UST: variants seen among roughly 807,000 people sequenced by gnomAD.
UST encodes chondroitin sulfate 2-O-sulfotransferase.
Under a neutral mutation model 45.6 loss-of-function variants are expected in UST, and 21 were observed. The ratio of observed to expected loss-of-function variants is 0.46; its 90% CI spans 0.33 to 0.66. UST has a LOEUF of 0.66. Among genes scored for constraint, UST ranks in the 30% least tolerant of loss-of-function variants. The probability of loss-of-function intolerance (pLI) is 0.02; values close to 1 mark genes in which losing one functional copy is unlikely to be tolerated. For synonymous variants in UST, 215 were observed against 200.6 expected, an observed-to-expected ratio of 1.07 and a Z score of -0.61; for missense variants, 463 against 512.4, an observed-to-expected ratio of 0.90 and a Z score of 0.93.
At chr6:148,887,484 C>A (rs1169593781) in intron 2 of UST, among the ~76,000 whole-genome samples, 2 of 152,250 alleles carry the variant, frequency 1.3e-5, no homozygotes, top group East Asian at 3.8e-4. Flanking sequence ...GCTGCCCTGG[C>A]CTGGCCTGTG....
chr6:148,752,532 G>C lies in UST; in HGVS notation c.247+4855G>C, dbSNP rs930583556. ...GTTCTGTAAACAAATAGCATGAATG[G>C]TGAAAAGCAATCTGCCTTGTAAACT... On this transcript the variant is annotated intron_variant, in intron 1 of 7. Coordinates refer to ENST00000367463, the MANE Select transcript of UST (RefSeq NM_005715.3). 1.2e-4 allele frequency among the ~76,000 whole-genome samples: 19 copies of C among 152,326 alleles called. No individual in the cohort carries two copies. The East Asian group carries it at 3.7e-3, about 29-fold the overall frequency.
At chr6:148,824,513 G>C (rs1057335839) in intron 1 of UST, among the ~76,000 whole-genome samples, 1 of 152,038 alleles carries the variant, frequency 6.6e-6, no homozygotes, top group Non-Finnish European at 1.5e-5. Flanking sequence ...TGGGAGGGGT[G>C]GATACCATTC....
At chr6:148,923,817 A>C (rs1280909834) in intron 2 of UST, among the ~76,000 whole-genome samples, 1 of 152,182 alleles carries the variant, frequency 6.6e-6, no homozygotes, top group Non-Finnish European at 1.5e-5. Context: ...ATACAACTGT[A>C]CTTGGATTGT....
At chr6:149,056,889 G>T (rs1214493634) in intron 7 of UST, among the ~76,000 whole-genome samples, 1 of 152,164 alleles carries the variant, frequency 6.6e-6, no homozygotes, top group African/African-American at 2.4e-5. Context: ...TGGACAGAAG[G>T]TTAAATATCT....
At chr6:149,034,283 G>C (rs1219468891) in intron 7 of UST, among the ~76,000 whole-genome samples, 1 of 152,098 alleles carries the variant, frequency 6.6e-6, no homozygotes, top group Non-Finnish European at 1.5e-5. Context: ...AATTTCGTAT[G>C]TGCCAAAATT....
chr6:148,777,376 C>A lies in UST; in HGVS notation c.247+29699C>A, dbSNP rs150971415. 2.0e-5 allele frequency among the ~76,000 whole-genome samples: 3 copies of A among 152,258 alleles called. No homozygotes were observed. In the East Asian group the frequency reaches 5.8e-4, roughly 29 times the overall value. Reference sequence around the variant, plus strand: ...AATACCAAATCAAACAAAGGTGAAGCCAAACACACATAAAAGATTCGTTTT... The same window carrying A: ...AATACCAAATCAAACAAAGGTGAAGACAAACACACATAAAAGATTCGTTTT... On this transcript the variant is annotated intron_variant, in intron 1 of 7. Transcript: ENST00000367463.
At chr6:149,060,984 G>C (rs905702384) in intron 7 of UST, among the ~76,000 whole-genome samples, 1 of 152,178 alleles carries the variant, frequency 6.6e-6, no homozygotes, top group African/African-American at 2.4e-5. Context: ...GTTAAAACAA[G>C]TGCAGATTGT....
At chr6:148,977,835 C>T (rs1002871254) in intron 5 of UST, among the ~76,000 whole-genome samples, 5 of 151,878 alleles carry the variant, frequency 3.3e-5, no homozygotes, top group Middle Eastern at 3.4e-3. Flanking sequence ...CCAGAATACC[C>T]TGTGTGTTGG....
At chr6:148,983,240 G>A (rs1034295226) in intron 5 of UST, among the ~76,000 whole-genome samples, 3 of 152,210 alleles carry the variant, frequency 2.0e-5, no homozygotes, top group Non-Finnish European at 4.4e-5. Flanking sequence ...TGACAAAGCT[G>A]TGGCAAGAAA....
At chr6:149,065,963 A>T (rs1334105515) in intron 7 of UST, among the ~76,000 whole-genome samples, 1 of 152,220 alleles carries the variant, frequency 6.6e-6, no homozygotes, top group Admixed American at 6.5e-5. Flanking sequence ...AGAGGGTTGG[A>T]TGCTGCCACC....
chr6:149,040,966 A>G (rs779808845), intron 7 of UST, among the ~76,000 whole-genome samples: 1 of 152,280 alleles, frequency 6.6e-6, no homozygotes, highest in Non-Finnish European at 1.5e-5. Context: ...TTGCTGTGAG[A>G]TACAGCCTGT....
At chr6:149,060,650 A>T (rs972399753) in intron 7 of UST, among the ~76,000 whole-genome samples, 1 of 152,282 alleles carries the variant, frequency 6.6e-6, no homozygotes. Context: ...GAGTACACCG[A>T]CGGTACTTCC....
chr6:148,904,917 G>A (rs1326848235), intron 2 of UST, among the ~76,000 whole-genome samples: 1 of 152,116 alleles, frequency 6.6e-6, no homozygotes, highest in African/African-American at 2.4e-5. Flanking sequence ...TCCACCTCCT[G>A]CAGCTGCCCT....
chr6:149,002,872 A>G (rs1159879890), intron 5 of UST, among the ~76,000 whole-genome samples: 6 of 152,242 alleles, frequency 3.9e-5, no homozygotes, highest in Admixed American at 1.3e-4. Flanking sequence ...AATGAGAACT[A>G]CCAAGAAGAT....
intron 5 of UST, among the ~76,000 whole-genome samples, chr6:149,002,539 C>G (rs542414007): frequency 6.6e-6 from 1 of 152,096 alleles, no homozygotes; most frequent in Admixed American, 6.5e-5. Flanking sequence ...TGGTGTCTCA[C>G]TCTGTCACCC....
chr6:148,926,888 C>T (rs556283754), intron 2 of UST, among the ~76,000 whole-genome samples: 119 of 152,092 alleles, frequency 7.8e-4, no homozygotes, highest in African/African-American at 2.8e-3. Context: ...CTAGCAGAAT[C>T]TGCTATAGGG....
chr6:149,049,328 T>TGA (rs1286923631), intron 7 of UST, among the ~76,000 whole-genome samples: 1 of 152,226 alleles, frequency 6.6e-6, no homozygotes, highest in East Asian at 1.9e-4. Context: ...GCTGATTGCT[T>TGA]GAAATATGAT....
intron 7 of UST, among the ~76,000 whole-genome samples, chr6:149,059,117 G>A (rs969628393): frequency 2.0e-5 from 3 of 152,192 alleles, no homozygotes; most frequent in African/African-American, 7.2e-5. Context: ...CTGACTTAGG[G>A]GGGTGGTTGT....
chr6:148,814,400 C>G (rs1262212897), intron 1 of UST, among the ~76,000 whole-genome samples: 1 of 152,072 alleles, frequency 6.6e-6, no homozygotes, highest in African/African-American at 2.4e-5. Flanking sequence ...ACCAGTTATG[C>G]CTTCTTGTAG....
Sources: gnomAD v4.1 joint callset for allele counts (sites outside exome capture counted in the v4.1 genomes callset) on GRCh38, gnomAD v4.1.1 for gene constraint, MANE v1.5 for transcripts, NCBI Gene and HGNC (gene_info 2026-07-23, HGNC 2026-07-21) for gene names.